The following CMTM8 variants were observed in gnomAD, a reference collection of about 807,000 sequenced individuals.
CMTM8 encodes CKLF like MARVEL transmembrane domain containing 8.
CMTM8 carries 12 observed loss-of-function variants against 18.6 expected under a neutral mutation model. The ratio of observed to expected loss-of-function variants is 0.65; its 90% CI spans 0.41 to 1.05. The LOEUF (loss-of-function observed/expected upper bound fraction) is 1.05. CMTM8 is among the 50% of genes least tolerant of loss of function. CMTM8 has a pLI of 0.00. For missense variants in CMTM8, 217 were observed against 227.2 expected, an observed-to-expected ratio of 0.95 and a Z score of 0.29; for synonymous variants, 87 against 90.6, an observed-to-expected ratio of 0.96 and a Z score of 0.23.
chr3:32,349,363 G>A (rs543009339), intron 1 of CMTM8, among the ~76,000 whole-genome samples: 1 of 151,908 alleles, frequency 6.6e-6, no homozygotes, highest in Non-Finnish European at 1.5e-5. Context: ...AGACCTGGCT[G>A]CCAGTATTCT....
intron 1 of CMTM8, among the ~76,000 whole-genome samples, chr3:32,328,451 C>G (rs928662022): frequency 2.3e-5 from 1 of 42,890 alleles, no homozygotes; most frequent in African/African-American, 8.8e-5. Context: ...CTCAGGAGGT[C>G]AAGGCTCAAG....
chr3:32,362,445 T>C (rs1415285405), intron 2 of CMTM8, among the ~76,000 whole-genome samples: 2 of 152,174 alleles, frequency 1.3e-5, no homozygotes, highest in African/African-American at 4.8e-5. Flanking sequence ...TCTGCAAAGA[T>C]AGAATGCATT....
At chr3:32,298,791 C>T (rs1289715243) in intron 1 of CMTM8, among the ~76,000 whole-genome samples, 1 of 146,438 alleles carries the variant, frequency 6.8e-6, no homozygotes, top group African/African-American at 2.5e-5. Flanking sequence ...CGCCACCACA[C>T]CCAGCTAATA....
chr3:32,252,980 T>G (rs1702133430), intron 1 of CMTM8, among the ~76,000 whole-genome samples: 1 of 152,202 alleles, frequency 6.6e-6, no homozygotes, highest in Admixed American at 6.5e-5. Flanking sequence ...TTGAGCAGTA[T>G]GAATGGGAAT....
chr3:32,357,454 G>T lies in CMTM8; in HGVS notation c.229G>T (p.Ala77Ser). 6.2e-7 allele frequency: 1 copy of T among 1,614,052 alleles called. No homozygotes were observed. The highest frequency in any genetic ancestry group is 1.1e-5 in the South Asian group (1 of 91,076). ...CGCATTTGGCTGGGTCATGTTTGTA[G>T]CTGTATTTTACTGGGTCCTCACCGT... ...VPAFGWVMFVAVFYWVLTVFF... is the reference protein window; with the variant it reads ...VPAFGWVMFVSVFYWVLTVFF... The change falls in exon 2 of 4, where the codon GCT becomes TCT. Residue 77 changes from alanine to serine, a missense_variant. Physicochemically the swap from Ala to Ser is moderately conservative, Grantham distance 99. Coordinates refer to ENST00000307526, the MANE Select transcript of CMTM8 (RefSeq NM_178868.5).
At chr3:32,248,894 C>T (rs1234804964) in intron 1 of CMTM8, among the ~76,000 whole-genome samples, 2 of 151,940 alleles carry the variant, frequency 1.3e-5, no homozygotes, top group Non-Finnish European at 2.9e-5. Context: ...GTGATCCTCC[C>T]ACCTTGGCCT....
intron 1 of CMTM8, among the ~76,000 whole-genome samples, chr3:32,281,042 C>T (rs1268093590): frequency 6.6e-6 from 1 of 152,094 alleles, no homozygotes; most frequent in Non-Finnish European, 1.5e-5. Context: ...CCAACTATTT[C>T]TGAAGGGAGT....
intron 1 of CMTM8, among the ~76,000 whole-genome samples, chr3:32,356,929 G>C (rs1696826110): frequency 6.6e-6 from 1 of 152,218 alleles, no homozygotes; most frequent in Non-Finnish European, 1.5e-5. Flanking sequence ...CTATCAGCTA[G>C]AGCTGAATTT....
intron 1 of CMTM8, among the ~76,000 whole-genome samples, chr3:32,307,441 T>C (rs559075454): frequency 6.6e-6 from 1 of 151,670 alleles, no homozygotes; most frequent in South Asian, 2.1e-4. Flanking sequence ...CTTGGGTAGG[T>C]GGGGAGATGG....
intron 2 of CMTM8, among the ~76,000 whole-genome samples, chr3:32,361,127 A>C (rs55829522): frequency 0.062 from 9,388 of 152,120 alleles, 398 homozygotes; most frequent in East Asian, 0.13. Flanking sequence ...GATTAAAGGC[A>C]TGCGCCACCA....
chr3:32,281,826 C>T (rs939446118), intron 1 of CMTM8, among the ~76,000 whole-genome samples: 1 of 151,988 alleles, frequency 6.6e-6, no homozygotes, highest in Non-Finnish European at 1.5e-5. Context: ...TGACCCCTCC[C>T]CTCAATCCTT....
chr3:32,316,189 G>A (rs370564944), intron 1 of CMTM8, among the ~76,000 whole-genome samples: 8 of 151,852 alleles, frequency 5.3e-5, no homozygotes, highest in African/African-American at 9.7e-5. Flanking sequence ...CACCAAGCCC[G>A]GCTAATTTTT....
chr3:32,239,877 T>A (rs974256755), intron 1 of CMTM8, among the ~76,000 whole-genome samples: 1 of 152,140 alleles, frequency 6.6e-6, no homozygotes, highest in African/African-American at 2.4e-5. Flanking sequence ...CCTTTAGATG[T>A]CCTCATACCC....
chr3:32,362,687 A>G (rs961975745), intron 2 of CMTM8, among the ~76,000 whole-genome samples: 1 of 152,226 alleles, frequency 6.6e-6, no homozygotes, highest in African/African-American at 2.4e-5. Flanking sequence ...TTTTCAGCAT[A>G]GCAGTTCTAA....
At chr3:32,314,410 C>A (rs1349296531) in intron 1 of CMTM8, among the ~76,000 whole-genome samples, 5 of 151,972 alleles carry the variant, frequency 3.3e-5, no homozygotes, top group Non-Finnish European at 5.9e-5. Flanking sequence ...AGCAGCCAGC[C>A]CTTCAGACAC....
At chr3:32,282,606 A>G (rs980984139) in intron 1 of CMTM8, among the ~76,000 whole-genome samples, 1 of 152,098 alleles carries the variant, frequency 6.6e-6, no homozygotes, top group Admixed American at 6.6e-5. Flanking sequence ...TTCCCTGCCT[A>G]TAACCGACCC....
rs182846501 is a variant in CMTM8, at chr3:32,275,377, A to G, written c.147+36258A>G. Among the ~76,000 whole-genome samples the G allele has an allele frequency of 1.2e-4, 18 of 152,302 alleles. 1 individual carries two copies. Among genetic ancestry groups the G allele is most frequent in the Admixed American group, 3.3e-4 (5 of 15,286 alleles). On this transcript the variant is annotated intron_variant, in intron 1 of 3. Coordinates refer to ENST00000307526, the MANE Select transcript of CMTM8 (RefSeq NM_178868.5). ...GGCTTTGAGTCTTGGCCCTGCTGCTATTAGCTCTGTGATCTTAAGTGAAAT... is the reference window on the plus strand; with the variant it reads ...GGCTTTGAGTCTTGGCCCTGCTGCTGTTAGCTCTGTGATCTTAAGTGAAAT...
intron 1 of CMTM8, among the ~76,000 whole-genome samples, chr3:32,315,288 C>A (rs560467189): frequency 6.6e-6 from 1 of 152,222 alleles, no homozygotes; most frequent in East Asian, 1.9e-4. Flanking sequence ...TGCCACCACA[C>A]CCAGCTAATT....
intron 1 of CMTM8, among the ~76,000 whole-genome samples, chr3:32,249,230 A>G (rs915839419): frequency 1.3e-5 from 2 of 151,640 alleles, no homozygotes; most frequent in Admixed American, 6.6e-5. Flanking sequence ...GGAGTTCAAG[A>G]CTAGCCTAGG....
Sources: allele counts gnomAD v4.1 joint callset (sites outside exome capture counted in the v4.1 genomes callset), GRCh38; gene constraint gnomAD v4.1.1; transcripts MANE v1.5; gene names NCBI Gene and HGNC (gene_info 2026-07-23, HGNC 2026-07-21).